CTNNA3: variants seen among roughly 807,000 people sequenced by gnomAD.
The protein encoded by CTNNA3 is catenin alpha 3, also known as catenin alpha-3.
In CTNNA3, 76 loss-of-function variants were observed where a neutral mutation model predicts 95.7. That is an observed-to-expected ratio of 0.79 (90% CI 0.66 to 0.96). The LOEUF is 0.96. Ranked by LOEUF, CTNNA3 falls within the 40% of genes least tolerant of loss-of-function variation. CTNNA3 has a pLI of 0.00. For missense variants in CTNNA3, 1,191 were observed against 1,089.8 expected (o/e 1.09, Z -1.31); for synonymous variants, 431 against 374.4 (o/e 1.15, Z -1.74).
chr10:67,150,760 A>G (rs1007083395), intron 7 of CTNNA3, among the ~76,000 whole-genome samples: 1 of 152,200 alleles, frequency 6.6e-6, no homozygotes, highest in Non-Finnish European at 1.5e-5. Context: ...GACAGATTCC[A>G]TTATCTGTAT....
chr10:66,024,085 A>T lies in CTNNA3; in HGVS notation c.2160-35288T>A, dbSNP rs1166498589. 1.7e-3 allele frequency among the ~76,000 whole-genome samples: 153 copies of T among 87,720 alleles called. 1 individual carries two copies. Among genetic ancestry groups the T allele is most frequent in the Admixed American group, 3.1e-3 (18 of 5,900 alleles). The allele number at this position is 87,720 out of a possible 152,430, so 57.5% of individuals were successfully genotyped here. On this transcript the variant is annotated intron_variant, in intron 15 of 17. Transcript: ENST00000433211. ...TATCACAGAAACTTATACCATACAC[A>T]TTTTTTTTTTTTTTTTTTTTTTGAG...
intron 7 of CTNNA3, among the ~76,000 whole-genome samples, chr10:66,937,008 T>A (rs935939045): frequency 2.6e-5 from 4 of 152,182 alleles, no homozygotes; most frequent in African/African-American, 9.6e-5. Context: ...AGTATTTTTC[T>A]CAAACATGAG....
intron 9 of CTNNA3, among the ~76,000 whole-genome samples, chr10:66,656,688 C>G (rs192963641): frequency 1.6e-3 from 238 of 152,150 alleles, no homozygotes; most frequent in African/African-American, 5.3e-3. Flanking sequence ...GGATCCATGT[C>G]ATGACAATAT....
At chr10:67,613,672 A>G (rs1843541678) in intron 2 of CTNNA3, among the ~76,000 whole-genome samples, 1 of 152,178 alleles carries the variant, frequency 6.6e-6, no homozygotes, top group African/African-American at 2.4e-5. Flanking sequence ...TTTTCAAACT[A>G]CAAATAAAAA....
intron 6 of CTNNA3, among the ~76,000 whole-genome samples, chr10:67,214,658 C>G (rs1864273205): frequency 6.6e-6 from 1 of 151,764 alleles, no homozygotes; most frequent in Non-Finnish European, 1.5e-5. Flanking sequence ...ATAAACTATT[C>G]ATGTTTGGGA....
At chr10:66,455,518 G>C (rs2093489992) in intron 11 of CTNNA3, among the ~76,000 whole-genome samples, 1 of 152,104 alleles carries the variant, frequency 6.6e-6, no homozygotes, top group Admixed American at 6.5e-5. Context: ...TGTCCCCACT[G>C]CTCATCAGCA....
chr10:66,352,740 G>A (rs183799626), intron 12 of CTNNA3, among the ~76,000 whole-genome samples: 3 of 152,162 alleles, frequency 2.0e-5, no homozygotes, highest in East Asian at 1.9e-4. Context: ...AGCAAATCAC[G>A]TAAAGATACT....
chr10:67,082,416 T>C (rs906382076), intron 7 of CTNNA3, among the ~76,000 whole-genome samples: 17 of 152,266 alleles, frequency 1.1e-4, no homozygotes, highest in Non-Finnish European at 2.2e-4. Context: ...AGGCAGAAAA[T>C]GCCTAATCAA....
At chr10:66,159,742 A>G (rs1049751529) in intron 13 of CTNNA3, among the ~76,000 whole-genome samples, 1 of 151,378 alleles carries the variant, frequency 6.6e-6, no homozygotes, top group Non-Finnish European at 1.5e-5. Flanking sequence ...ATTAGTGTCA[A>G]AGGGATTGGT....
At chr10:67,232,651 C>T (rs1418455884) in intron 5 of CTNNA3, among the ~76,000 whole-genome samples, 1 of 151,226 alleles carries the variant, frequency 6.6e-6, no homozygotes, top group African/African-American at 2.4e-5. Context: ...ATCAAATTCA[C>T]ACATAACAAT....
At position 66,383,020 on chromosome 10, in the gene CTNNA3, A is replaced by C. The variant is rs183927867; in HGVS notation, c.1532-3668T>G. Among the ~76,000 whole-genome samples, 939 of 152,284 alleles carry C rather than the reference A, an allele frequency of 6.2e-3. 39 individuals carry two copies. The highest frequency in any genetic ancestry group is 0.055 in the Admixed American group (836 of 15,296). ...AGCAGAAAAGATGGAAATTCTAAAA[A>C]TCAGAGCACCTCTTCTCCTCCAAAG... is the stretch of plus-strand genomic sequence containing the variant. On this transcript the variant is annotated intron_variant, in intron 11 of 17. Coordinates refer to ENST00000433211, the MANE Select transcript of CTNNA3 (RefSeq NM_013266.4).
intron 10 of CTNNA3, among the ~76,000 whole-genome samples, chr10:66,563,468 TC>T (rs1401327643): frequency 6.6e-6 from 1 of 152,094 alleles, no homozygotes; most frequent in Non-Finnish European, 1.5e-5. Flanking sequence ...AAAAAGTTGT[TC>T]CATTACAGAA....
At chr10:66,983,028 G>T (rs1040849865) in intron 7 of CTNNA3, among the ~76,000 whole-genome samples, 1 of 152,218 alleles carries the variant, frequency 6.6e-6, no homozygotes, top group African/African-American at 2.4e-5. Flanking sequence ...AGGGCAGGTT[G>T]CTGAGAGCAG....
chr10:66,253,694 T>C (rs995801973), intron 13 of CTNNA3, among the ~76,000 whole-genome samples: 1 of 152,128 alleles, frequency 6.6e-6, no homozygotes, highest in East Asian at 1.9e-4. Flanking sequence ...TTGTGGTGTA[T>C]GCATGTGTGT....
chr10:67,742,509 G>C (rs1189300479), intron 1 of CTNNA3, among the ~76,000 whole-genome samples: 2 of 151,076 alleles, frequency 1.3e-5, no homozygotes, highest in African/African-American at 4.8e-5. Context: ...GCAGTGTGTG[G>C]AGGGAAATTT....
chr10:67,530,502 C>T (rs113312882), intron 4 of CTNNA3, among the ~76,000 whole-genome samples: 1,584 of 152,254 alleles, frequency 0.01, 29 homozygotes, highest in African/African-American at 0.036. Flanking sequence ...GAAATTTGAA[C>T]TTGAGAAAGA....
chr10:67,647,146 TTATATATATATATATA>T (rs67324505), intron 2 of CTNNA3, among the ~76,000 whole-genome samples: 4 of 136,490 alleles, frequency 2.9e-5, no homozygotes, highest in Middle Eastern at 3.8e-3. Context: ...ACTCTGAAAA[TTATATATATATATATA>T]TATATATATA....
intron 7 of CTNNA3, among the ~76,000 whole-genome samples, chr10:67,075,116 C>G (rs1478080058): frequency 6.6e-6 from 1 of 151,486 alleles, no homozygotes; most frequent in Non-Finnish European, 1.5e-5. Flanking sequence ...GTTACTAAGG[C>G]TCAGAGAAGA....
intron 7 of CTNNA3, among the ~76,000 whole-genome samples, chr10:66,943,901 G>A (rs1398584062): frequency 6.6e-6 from 1 of 152,126 alleles, no homozygotes; most frequent in African/African-American, 2.4e-5. Context: ...ATACTTTATT[G>A]CTAAAAAGTG....
Sources: allele counts gnomAD v4.1 joint callset (sites outside exome capture counted in the v4.1 genomes callset), GRCh38; gene constraint gnomAD v4.1.1; transcripts MANE v1.5; gene names NCBI Gene and HGNC (gene_info 2026-07-23, HGNC 2026-07-21).